Variants in VPS35L observed in about 807,000 individuals in gnomAD.
VPS35L encodes VPS35 endosomal protein-sorting factor-like.
Under a neutral mutation model 133.0 loss-of-function variants are expected in VPS35L, and 83 were observed. The observed-to-expected ratio is 0.62, with a 90% CI of 0.52 to 0.75. The LOEUF (loss-of-function observed/expected upper bound fraction) is 0.75. VPS35L is among the 30% of genes least tolerant of loss of function. The pLI is 0.00. For synonymous variants in VPS35L, 423 were observed against 449.9 expected, an observed-to-expected ratio of 0.94 and a Z score of 0.76; for missense variants, 1,083 against 1,206.8, an observed-to-expected ratio of 0.90 and a Z score of 1.52.
intron 14 of VPS35L, among the ~76,000 whole-genome samples, chr16:19,622,447 GT>G (rs1410177131): frequency 6.6e-6 from 1 of 151,664 alleles, no homozygotes; most frequent in African/African-American, 2.4e-5. Flanking sequence ...CGGCCCCCAC[GT>G]ATATCAAAAT....
chr16:19,681,989 A>G lies in VPS35L; in HGVS notation c.2362-236A>G, dbSNP rs2151618008. On this transcript the variant is annotated intron_variant, in intron 27 of 30. Transcript: ENST00000417362. ...TCTCCTTTTTGGGATCCAAAAAGGG[A>G]TTCTCAAAGCTCGTTTGCCCAGACA... Among the ~76,000 whole-genome samples the G allele has an allele frequency of 1.3e-5, 2 of 152,210 alleles. 1 individual carries two copies. Among genetic ancestry groups the G allele is most frequent in the South Asian group, 4.1e-4 (2 of 4,820 alleles).
At chr16:19,643,564 C>T (rs56292125) in intron 22 of VPS35L, among the ~76,000 whole-genome samples, 2 of 152,156 alleles carry the variant, frequency 1.3e-5, no homozygotes, top group African/African-American at 2.4e-5. Context: ...AGGGACAAAG[C>T]TGGGAAGGCT....
chr16:19,643,582 C>T (rs1038469794), intron 22 of VPS35L, among the ~76,000 whole-genome samples: 3 of 152,148 alleles, frequency 2.0e-5, no homozygotes, highest in African/African-American at 4.8e-5. Context: ...GCTCACACAT[C>T]ATATCCCATT....
intron 7 of VPS35L, among the ~76,000 whole-genome samples, chr16:19,584,054 C>A (rs958968295): frequency 1.3e-5 from 2 of 152,056 alleles, no homozygotes; most frequent in Non-Finnish European, 2.9e-5. Flanking sequence ...TTTTTTATGG[C>A]CAAATAATAT....
chr16:19,700,704 G>A lies in VPS35L; in HGVS notation c.*228G>A, dbSNP rs1013406529. 8 of 504,482 alleles carry A rather than the reference G, an allele frequency of 1.6e-5. No individual in the cohort carries two copies. The highest frequency in any genetic ancestry group is 2.8e-5 in the Non-Finnish European group (8 of 284,194). 31.3% of individuals were successfully genotyped at this position (504,482 alleles called of 1,614,324 possible). On this transcript the variant is annotated 3_prime_UTR_variant, in exon 31 of 31. Coordinates refer to ENST00000417362, the MANE Select transcript of VPS35L (RefSeq NM_020314.7). ...TTCACTAAGAAGCAGTCTCTGTGTTGTCTTTGCACAAGTGGCCTTCGGTCT... is the reference window on the plus strand; with the variant it reads ...TTCACTAAGAAGCAGTCTCTGTGTTATCTTTGCACAAGTGGCCTTCGGTCT...
chr16:19,631,314 C>T (rs956544948), intron 18 of VPS35L, among the ~76,000 whole-genome samples: 2 of 152,144 alleles, frequency 1.3e-5, no homozygotes, highest in Admixed American at 6.5e-5. Flanking sequence ...ATATAATCAC[C>T]ATCCAGAGTA....
intron 27 of VPS35L, among the ~76,000 whole-genome samples, chr16:19,676,783 G>C (rs1288475705): frequency 1.3e-5 from 2 of 152,294 alleles, no homozygotes; most frequent in East Asian, 3.9e-4. Context: ...AGCAAGAGAA[G>C]CATACCCCAA....
intron 26 of VPS35L, among the ~76,000 whole-genome samples, chr16:19,667,058 G>T (rs888934313): frequency 1.3e-5 from 2 of 151,524 alleles, no homozygotes; most frequent in African/African-American, 4.9e-5. Flanking sequence ...CTGACCGACG[G>T]GTTCAAGTGA....
At chr16:19,641,337 G>A (rs147192436) in intron 21 of VPS35L, among the ~76,000 whole-genome samples, 2,201 of 152,258 alleles carry the variant, frequency 0.014, 55 homozygotes, top group African/African-American at 0.049. Context: ...AAAGTGCTGG[G>A]ATTACAGGCA....
intron 8 of VPS35L, among the ~76,000 whole-genome samples, chr16:19,601,313 A>G (rs2151537993): frequency 6.6e-6 from 1 of 152,260 alleles, no homozygotes; most frequent in African/African-American, 2.4e-5. Context: ...GTGGCCATGC[A>G]CAACTGGTCA....
intron 14 of VPS35L, among the ~76,000 whole-genome samples, chr16:19,618,922 T>G (rs939099077): frequency 3.9e-5 from 5 of 129,860 alleles, no homozygotes; most frequent in Admixed American, 7.6e-5. Context: ...TGCCTATCTG[T>G]TTTTTTTTTT....
chr16:19,576,239 T>A (rs1350145869), intron 5 of VPS35L, among the ~76,000 whole-genome samples: 1 of 151,744 alleles, frequency 6.6e-6, no homozygotes, highest in Non-Finnish European at 1.5e-5. Context: ...GTTTAAGAAT[T>A]ACAGAGGAAG....
At chr16:19,628,248 C>T (rs1338045621) in intron 16 of VPS35L, among the ~76,000 whole-genome samples, 1 of 152,108 alleles carries the variant, frequency 6.6e-6, no homozygotes. Flanking sequence ...CCTGTAGTCC[C>T]AGCTACTTGG....
chr16:19,585,777 A>G (rs1459960003), intron 7 of VPS35L, among the ~76,000 whole-genome samples: 1 of 152,072 alleles, frequency 6.6e-6, no homozygotes, highest in Non-Finnish European at 1.5e-5. Context: ...TTTAATTTGT[A>G]TATCCCTAAC....
intron 23 of VPS35L, among the ~76,000 whole-genome samples, chr16:19,645,973 T>C (rs909333428): frequency 6.6e-6 from 1 of 152,098 alleles, no homozygotes; most frequent in Admixed American, 6.5e-5. Context: ...TTGCTGTTTT[T>C]TTTGGGGGGG....
chr16:19,573,389 G>C, intron 4 of VPS35L, 148 bp downstream of exon 4: 2 of 886,456 alleles, frequency 2.3e-6, no homozygotes, highest in East Asian at 2.8e-5. Context: ...AAGGCTTCAT[G>C]TAGTATGTCA....
At chr16:19,697,985 G>T (rs1975974797) in intron 29 of VPS35L, among the ~76,000 whole-genome samples, 1 of 152,154 alleles carries the variant, frequency 6.6e-6, no homozygotes, top group Non-Finnish European at 1.5e-5. Context: ...ATTTCCTGTT[G>T]CCACCATAAC....
chr16:19,656,226 T>C (rs1974294018), intron 26 of VPS35L, among the ~76,000 whole-genome samples: 2 of 139,678 alleles, frequency 1.4e-5, no homozygotes, highest in African/African-American at 5.5e-5. Context: ...ATATCACCAC[T>C]GCACTCCAGC....
chr16:19,637,526 G>A, intron 19 of VPS35L, 68 bp from the exon 20 acceptor site: 1 of 1,227,848 alleles, frequency 8.1e-7, no homozygotes, highest in Non-Finnish European at 1.1e-6. Flanking sequence ...CTGAGAGAAT[G>A]TAAACCAGAA....
Sources: allele counts gnomAD v4.1 joint callset (sites outside exome capture counted in the v4.1 genomes callset), GRCh38; gene constraint gnomAD v4.1.1; transcripts MANE v1.5; gene names NCBI Gene and HGNC (gene_info 2026-07-23, HGNC 2026-07-21).